Variants in SMOC1 observed in about 807,000 individuals in gnomAD.
SMOC1 encodes SPARC related modular calcium binding 1, also known as SPARC-related modular calcium-binding protein 1.
SMOC1 carries 22 observed loss-of-function variants against 56.3 expected under a neutral mutation model. That is an observed-to-expected ratio of 0.39 (90% CI 0.28 to 0.56). The LOEUF is 0.56. Ranked by LOEUF, SMOC1 falls within the 20% of genes least tolerant of loss-of-function variation. The probability of loss-of-function intolerance (pLI) is 0.61; values close to 1 mark genes in which losing one functional copy is unlikely to be tolerated. For missense variants in SMOC1, 509 were observed against 565.4 expected, an observed-to-expected ratio of 0.90 and a Z score of 1.01; for synonymous variants, 193 against 215.0, an observed-to-expected ratio of 0.90 and a Z score of 0.89.
At chr14:69,966,795 T>C (rs1358075936) in intron 3 of SMOC1, among the ~76,000 whole-genome samples, 1 of 152,240 alleles carries the variant, frequency 6.6e-6, no homozygotes, top group East Asian at 1.9e-4. Context: ...GTTCTAGCTA[T>C]GGGAATTATA....
At chr14:69,990,790 A>C (rs943062418) in intron 5 of SMOC1, among the ~76,000 whole-genome samples, 1 of 151,984 alleles carries the variant, frequency 6.6e-6, no homozygotes, top group Non-Finnish European at 1.5e-5. Flanking sequence ...GCTACATCTC[A>C]TTTCTTGGGA....
intron 1 of SMOC1, among the ~76,000 whole-genome samples, chr14:69,899,889 G>C (rs562052690): frequency 6.6e-6 from 1 of 152,286 alleles, no homozygotes; most frequent in East Asian, 1.9e-4. Flanking sequence ...TTTCTGCCCT[G>C]GTAAGCTGTG....
chr14:69,983,422 G>T (rs1382613879), intron 5 of SMOC1, among the ~76,000 whole-genome samples: 2 of 152,176 alleles, frequency 1.3e-5, no homozygotes, highest in Non-Finnish European at 2.9e-5. Flanking sequence ...TCACCTCCTG[G>T]AGCTCACATT....
chr14:69,910,716 C>T (rs915492858), intron 1 of SMOC1, among the ~76,000 whole-genome samples: 31 of 152,066 alleles, frequency 2.0e-4, no homozygotes, highest in African/African-American at 4.8e-4. Context: ...GTGTGTATGC[C>T]GAGGAGGTGT....
chr14:69,971,904 TG>T (rs753671564), intron 3 of SMOC1, among the ~76,000 whole-genome samples: 1 of 152,212 alleles, frequency 6.6e-6, no homozygotes, highest in Non-Finnish European at 1.5e-5. Context: ...CAGAATAGGA[TG>T]TTCTTTTGTC....
rs982338340 is a variant in SMOC1, at chr14:69,977,828, C to T, written c.479-90C>T. Reference sequence around the variant, plus strand: ...CAATACATATATACATGACCATATGCTCATAACATCAGGTTTTGCCAACTC... The same window carrying T: ...CAATACATATATACATGACCATATGTTCATAACATCAGGTTTTGCCAACTC... On this transcript the variant is annotated intron_variant, in intron 4 of 11. Transcript: ENST00000361956. The T allele has an allele frequency of 2.7e-5, 26 of 953,470 alleles. 1 individual carries two copies. Among genetic ancestry groups the T allele is most frequent in the Non-Finnish European group, 4.5e-5 (26 of 576,914 alleles). 59.1% of individuals were successfully genotyped at this position (953,470 alleles called of 1,614,324 possible).
At chr14:69,952,683 C>A (rs1883047806) in intron 2 of SMOC1, among the ~76,000 whole-genome samples, 1 of 152,086 alleles carries the variant, frequency 6.6e-6, no homozygotes, top group Non-Finnish European at 1.5e-5. Flanking sequence ...CAGCAAAAAA[C>A]ATTTGGGATA....
Position 70,010,931 on chromosome 14 carries a change from C to T in SMOC1, c.842C>T (p.Pro281Leu). The T allele has an allele frequency of 6.2e-7, 1 of 1,612,648 alleles. No individual in the cohort carries two copies. The highest frequency in any genetic ancestry group is 1.3e-5 in the African/African-American group (1 of 75,008). Reference sequence around the variant, plus strand: ...CTGGTGGACACAGGGCGCCCGCTGCCTGGGACCTCCACACGGTAAGCCCCC... The same window carrying T: ...CTGGTGGACACAGGGCGCCCGCTGCTTGGGACCTCCACACGGTAAGCCCCC... ...CVLVDTGRPL[P>L]GTSTRYVMPS... The change falls in exon 8 of 12, where the codon CCT (proline) becomes CTT (leucine). Residue 281 changes from proline (P) to leucine (L), a missense_variant. Physicochemically the swap from Pro to Leu is moderately conservative, Grantham distance 98. This residue lies in a region of SMOC1 where 18 missense variants were observed against 44.2 expected (regional missense o/e 0.41). Coordinates refer to ENST00000361956, the MANE Select transcript of SMOC1 (RefSeq NM_001034852.3).
intron 5 of SMOC1, among the ~76,000 whole-genome samples, chr14:69,990,068 G>GGGT (rs1884507259): frequency 1.3e-5 from 2 of 152,310 alleles, no homozygotes; most frequent in South Asian, 4.1e-4. Flanking sequence ...CTACCCTGCA[G>GGGT]GAAGATTCCT....
At chr14:69,889,523 G>C (rs1012457141) in intron 1 of SMOC1, among the ~76,000 whole-genome samples, 1 of 152,228 alleles carries the variant, frequency 6.6e-6, no homozygotes, top group African/African-American at 2.4e-5. Flanking sequence ...ACCCGGGCTA[G>C]TAATCTGGCC....
chr14:69,910,664 A>C (rs1165330011), intron 1 of SMOC1, among the ~76,000 whole-genome samples: 6 of 151,994 alleles, frequency 3.9e-5, no homozygotes, highest in South Asian at 4.1e-4. Flanking sequence ...AATTTTTAAT[A>C]AACTGGGCTC....
Position 70,030,270 on chromosome 14 carries a change from C to T in SMOC1, c.*12C>T, listed in dbSNP as rs1291792043. On this transcript the variant is annotated 3_prime_UTR_variant, in exon 12 of 12. Transcript: ENST00000361956. Reference sequence around the variant, plus strand: ...GACGCCTCGTCTAAGGAGCAGAAAACCCAAGGGCAGGTGGAGAGTCCAGGG... The same window carrying T: ...GACGCCTCGTCTAAGGAGCAGAAAATCCAAGGGCAGGTGGAGAGTCCAGGG... 3.1e-6 allele frequency: 5 copies of T among 1,604,214 alleles called. No individual in the cohort carries two copies. Among genetic ancestry groups the T allele is most frequent in the Non-Finnish European group, 2.6e-6 (3 of 1,176,024 alleles).
At chr14:69,987,233 T>C (rs1197095999) in intron 5 of SMOC1, among the ~76,000 whole-genome samples, 2 of 152,186 alleles carry the variant, frequency 1.3e-5, no homozygotes, top group Non-Finnish European at 2.9e-5. Context: ...AGATGGACAA[T>C]GGCAGCCTGA....
At chr14:70,005,768 G>A (rs1398059999) in intron 7 of SMOC1, among the ~76,000 whole-genome samples, 4 of 152,176 alleles carry the variant, frequency 2.6e-5, no homozygotes, top group African/African-American at 4.8e-5. Context: ...AGGGGCGGGC[G>A]TGTGAGTGTG....
chr14:69,936,397 G>A (rs1422795876), intron 1 of SMOC1, among the ~76,000 whole-genome samples: 1 of 152,256 alleles, frequency 6.6e-6, no homozygotes, highest in Non-Finnish European at 1.5e-5. Flanking sequence ...GCCCGAGAGG[G>A]CATCTGGGCC....
At chr14:69,931,166 C>A (rs940822196) in intron 1 of SMOC1, among the ~76,000 whole-genome samples, 35 of 152,264 alleles carry the variant, frequency 2.3e-4, no homozygotes, top group African/African-American at 7.5e-4. Context: ...CACCTTCACA[C>A]AGACATCTGG....
intron 1 of SMOC1, among the ~76,000 whole-genome samples, chr14:69,947,795 C>A (rs532261375): frequency 2.6e-5 from 4 of 152,316 alleles, no homozygotes; most frequent in Admixed American, 2.6e-4. Flanking sequence ...AGCTACATTG[C>A]AGTGCTTAAT....
intron 5 of SMOC1, among the ~76,000 whole-genome samples, chr14:69,982,241 C>T (rs1417935039): frequency 6.6e-6 from 1 of 152,190 alleles, no homozygotes; most frequent in African/African-American, 2.4e-5. Context: ...TCTGCATGGG[C>T]TTCTGTATTT....
At chr14:69,995,604 G>T (rs1297387173) in intron 7 of SMOC1, among the ~76,000 whole-genome samples, 2 of 152,184 alleles carry the variant, frequency 1.3e-5, no homozygotes, top group African/African-American at 4.8e-5. Context: ...AGTGACCCCA[G>T]TCAAGTCACA....
Sources: allele counts gnomAD v4.1 joint callset (sites outside exome capture counted in the v4.1 genomes callset), GRCh38; gene constraint gnomAD v4.1.1; regional missense constraint gnomAD v4.1.1; transcripts MANE v1.5; gene names NCBI Gene and HGNC (gene_info 2026-07-23, HGNC 2026-07-21).